The following RAB15 variants were observed in gnomAD, a reference collection of about 807,000 sequenced individuals.
RAB15 encodes ras-related protein Rab-15.
A neutral mutation model predicts 31.8 loss-of-function variants in RAB15; 13 were observed. The ratio of observed to expected loss-of-function variants is 0.41; its 90% CI spans 0.27 to 0.65. The LOEUF (loss-of-function observed/expected upper bound fraction) is 0.65. Ranked by LOEUF, RAB15 falls within the 30% of genes least tolerant of loss-of-function variation. The probability of loss-of-function intolerance (pLI) is 0.32; values close to 1 mark genes in which losing one functional copy is unlikely to be tolerated. For missense variants in RAB15, 220 were observed against 277.3 expected, an observed-to-expected ratio of 0.79 and a Z score of 1.47; for synonymous variants, 100 against 105.6, an observed-to-expected ratio of 0.95 and a Z score of 0.33.
chr14:64,961,726 T>C (rs1375270864), intron 1 of RAB15, among the ~76,000 whole-genome samples: 2 of 151,858 alleles, frequency 1.3e-5, no homozygotes, highest in African/African-American at 2.4e-5. Context: ...CAGGGCAACA[T>C]AGTGAGACCA....
intron 1 of RAB15, among the ~76,000 whole-genome samples, chr14:64,957,525 C>A (rs983582486): frequency 2.0e-5 from 3 of 152,216 alleles, no homozygotes; most frequent in African/African-American, 7.2e-5. Flanking sequence ...ACTCGCCCAG[C>A]CCTACTCACT....
At position 64,955,307 on chromosome 14, in the gene RAB15, T is replaced by C. The variant is rs898605823; in HGVS notation, c.125-2736A>G. Among the ~76,000 whole-genome samples, 6 of 152,214 alleles carry C rather than the reference T, an allele frequency of 3.9e-5. No individual in the cohort carries two copies. Among genetic ancestry groups the C allele is most frequent in the Non-Finnish European group, 8.8e-5 (6 of 68,038 alleles). ...CCCAAGGATCTTCAAGAGGAATCTA[T>C]TGCTTCTGCGCTCTGTTCCCACACA... is the stretch of plus-strand genomic sequence containing the variant. On this transcript the variant is annotated intron_variant, in intron 1 of 6. Transcript: ENST00000533601. The surrounding 1 kb of genome is among the most constrained non-coding windows in gnomAD (Gnocchi z 4.4).
At chr14:64,967,525 G>T (rs1184839522) in intron 1 of RAB15, among the ~76,000 whole-genome samples, 3 of 151,870 alleles carry the variant, frequency 2.0e-5, no homozygotes, top group African/African-American at 4.8e-5. Context: ...CGAGGCTGCA[G>T]TGAGCCGTGA....
Position 64,953,255 on chromosome 14 carries a change from A to C in RAB15, c.125-684T>G, listed in dbSNP as rs770786381. On this transcript the variant is annotated intron_variant, in intron 1 of 6. Transcript: ENST00000533601. This position sits in a 1 kb window ranked among gnomAD's most constrained non-coding sequence, Gnocchi z 4.6. ...CTCTGGCCACTCATAGCTCATTGCT[A>C]TAACATCAGGCACCTTGCTTCACTG... Among the ~76,000 whole-genome samples, 3 of 152,244 alleles carry C rather than the reference A, an allele frequency of 2.0e-5. No homozygotes were observed. Among genetic ancestry groups the C allele is most frequent in the African/African-American group, 7.2e-5 (3 of 41,458 alleles).
intron 1 of RAB15, among the ~76,000 whole-genome samples, chr14:64,959,092 A>T (rs1886723797): frequency 6.6e-6 from 1 of 152,226 alleles, no homozygotes; most frequent in African/African-American, 2.4e-5. Context: ...GGGACTGACC[A>T]GTTGGTAATG....
Position 64,971,910 on chromosome 14 carries a change from C to T in RAB15, c.124+43G>A. On this transcript the variant is annotated intron_variant, in intron 1 of 6. Coordinates refer to ENST00000533601, the MANE Select transcript of RAB15 (RefSeq NM_001308154.2). The surrounding 1 kb of genome is among the most constrained non-coding windows in gnomAD (Gnocchi z 4.1). ...GGACGGGGGCGGCGGGGAAAGGGGC[C>T]GCGGGCGGGGAGGGAGGGGCGCCCC... is the stretch of plus-strand genomic sequence containing the variant. 2.5e-5 allele frequency: 38 copies of T among 1,511,050 alleles called. No homozygotes were observed. The highest frequency in any genetic ancestry group is 3.4e-5 in the Non-Finnish European group (38 of 1,122,080). 93.6% of individuals were successfully genotyped at this position (1,511,050 alleles called of 1,614,324 possible). A position where few individuals can be genotyped will look rare whatever the true frequency, so the allele number is the denominator to read the frequency against.
chr14:64,948,110 A>G lies in RAB15; in HGVS notation c.*244T>C, dbSNP rs1886015368. On this transcript the variant is annotated 3_prime_UTR_variant, in exon 7 of 7. Coordinates refer to ENST00000533601, the MANE Select transcript of RAB15 (RefSeq NM_001308154.2). The surrounding 1 kb of genome is among the most constrained non-coding windows in gnomAD (Gnocchi z 7.0). ...GCTTGCGGCACATCGTGGGGGTCGT[A>G]GCAGGCCTGTGGCTGGGGAAACAGG... 6.7e-6 allele frequency: 3 copies of G among 448,114 alleles called. No individual in the cohort carries two copies. Among genetic ancestry groups the G allele is most frequent in the Non-Finnish European group, 1.2e-5 (3 of 256,220 alleles). 27.8% of individuals were successfully genotyped at this position (448,114 alleles called of 1,614,324 possible).
In RAB15 at chr14:64,946,743, CTT is replaced by C. The variant is rs1331820085; in HGVS notation, c.*1609_*1610del. The stretch of plus-strand genomic sequence containing the variant: ...GTTGATGAATACTCAACACCCAGTT[CTT>C]TGTTTTGGCTGCAGCCACGCAGTGC... On this transcript the variant is annotated 3_prime_UTR_variant, in exon 7 of 7. Transcript: ENST00000533601. 6.6e-6 allele frequency: 1 copy of C among 152,360 alleles called. No individual in the cohort carries two copies. Among genetic ancestry groups the C allele is most frequent in the Non-Finnish European group, 1.5e-5 (1 of 68,046 alleles). 9.4% of individuals were successfully genotyped at this position (152,360 alleles called of 1,614,324 possible).
chr14:64,958,362 G>GT lies in RAB15; in HGVS notation c.125-5792dup, dbSNP rs1166128307. On this transcript the variant is annotated intron_variant, in intron 1 of 6. Coordinates refer to ENST00000533601, the MANE Select transcript of RAB15 (RefSeq NM_001308154.2). The surrounding 1 kb of genome is among the most constrained non-coding windows in gnomAD (Gnocchi z 4.4). ...TTAGAAAAGAGGTCTGAGGGAGCTT[G>GT]TTCCCTCTTCTGCCATGTGAGGATG... Among the ~76,000 whole-genome samples, 7 of 152,174 alleles carry GT rather than the reference G, an allele frequency of 4.6e-5. No individual in the cohort carries two copies. The highest frequency in any genetic ancestry group is 8.8e-5 in the Non-Finnish European group (6 of 68,032).
In RAB15 at chr14:64,947,927, G is replaced by A. The variant is rs1214223485; in HGVS notation, c.*427C>T. The A allele has an allele frequency of 6.1e-6, 1 of 164,430 alleles. No homozygotes were observed. Among genetic ancestry groups the A allele is most frequent in the Non-Finnish European group, 1.3e-5 (1 of 76,750 alleles). The allele number at this position is 164,430 out of a possible 1,614,324, so 10.2% of individuals were successfully genotyped here. A position where few individuals can be genotyped will look rare whatever the true frequency, so the allele number is the denominator to read the frequency against. Reference sequence around the variant, plus strand: ...CGGGGGACGGGGTTTGAGGAGCTTTGATACGAAACGCACCGGAGGGGAGGG... The same window carrying A: ...CGGGGGACGGGGTTTGAGGAGCTTTAATACGAAACGCACCGGAGGGGAGGG... On this transcript the variant is annotated 3_prime_UTR_variant, in exon 7 of 7. Coordinates refer to ENST00000533601, the MANE Select transcript of RAB15 (RefSeq NM_001308154.2). The surrounding 1 kb of genome is among the most constrained non-coding windows in gnomAD (Gnocchi z 5.6).
In RAB15 at chr14:64,948,881, G is replaced by C. The variant is rs1886073593; in HGVS notation, c.415-148C>G. 1.4e-6 allele frequency: 1 copy of C among 694,356 alleles called. No individual in the cohort carries two copies. The highest frequency in any genetic ancestry group is 1.8e-5 in the African/African-American group (1 of 55,886). 43.0% of individuals were successfully genotyped at this position (694,356 alleles called of 1,614,324 possible). A position where few individuals can be genotyped will look rare whatever the true frequency, so the allele number is the denominator to read the frequency against. The stretch of plus-strand genomic sequence containing the variant: ...GATAATTTCTCAGATGGGACTGGGA[G>C]CTCCAAGAGAGGGTAGCAGAGAATG... On this transcript the variant is annotated intron_variant, in intron 5 of 6. Transcript: ENST00000533601. The surrounding 1 kb of genome is among the most constrained non-coding windows in gnomAD (Gnocchi z 7.0).
At position 64,972,077 on chromosome 14, in the gene RAB15, G is replaced by T. The variant is rs531622131; in HGVS notation, c.-1C>A. ...ACAGCACATCGTACTGCTTCGCCAT[G>T]ACTGGGGCCAGCGGGGCCGGGAACT... On this transcript the variant is annotated 5_prime_UTR_variant, in exon 1 of 7. Transcript: ENST00000533601. The surrounding 1 kb of genome is among the most constrained non-coding windows in gnomAD (Gnocchi z 6.3). The T allele has an allele frequency of 5.6e-6, 9 of 1,601,560 alleles. No homozygotes were observed. The African/African-American group carries it at 1.1e-4, about 19-fold the overall frequency.
chr14:64,948,704 A>T lies in RAB15; in HGVS notation c.444T>A (p.Tyr148Ter), dbSNP rs1326722897. ...QLAKEYGMDF[Y>*]ETSACTNLNI... ...TGAGGTTGGTGCAGGCACTTGTTTC[A>T]TAGAAGTCCATGCCATACTCCTTCG... Residue 148 changes from tyrosine (Y) to a stop codon, truncating the protein, a stop_gained, in exon 6 of 7, where the codon TAT becomes TAA. Transcript: ENST00000533601. LOFTEE classifies it high-confidence loss of function. This position sits in a 1 kb window ranked among gnomAD's most constrained non-coding sequence, Gnocchi z 7.0. 1 of 1,613,992 alleles carries T rather than the reference A, an allele frequency of 6.2e-7. No individual in the cohort carries two copies. Among genetic ancestry groups the T allele is most frequent in the African/African-American group, 1.3e-5 (1 of 74,892 alleles).
intron 1 of RAB15, among the ~76,000 whole-genome samples, chr14:64,960,520 G>A (rs565235172): frequency 6.6e-6 from 1 of 152,338 alleles, no homozygotes; most frequent in East Asian, 1.9e-4. Flanking sequence ...CCTGCATGGT[G>A]TTGGGGAAGC....
In RAB15 at chr14:64,948,247, G is replaced by T; in HGVS notation, c.*107C>A. On this transcript the variant is annotated 3_prime_UTR_variant, in exon 7 of 7. Coordinates refer to ENST00000533601, the MANE Select transcript of RAB15 (RefSeq NM_001308154.2). This position sits in a 1 kb window ranked among gnomAD's most constrained non-coding sequence, Gnocchi z 7.0. ...GAGTAGTGGCTACTGATACTCAATA[G>T]GGTCATCACACGAGAGGACAGCAGC... The T allele has an allele frequency of 8.3e-7, 1 of 1,197,630 alleles. No individual in the cohort carries two copies. Among genetic ancestry groups the T allele is most frequent in the Non-Finnish European group, 1.1e-6 (1 of 889,796 alleles). 74.2% of individuals were successfully genotyped at this position (1,197,630 alleles called of 1,614,324 possible).
In RAB15 at chr14:64,948,468, C is replaced by T; in HGVS notation, c.525G>A (p.Lys175=). 1 of 1,613,366 alleles carries T rather than the reference C, an allele frequency of 6.2e-7. No individual in the cohort carries two copies. The highest frequency in any genetic ancestry group is 8.5e-7 in the Non-Finnish European group (1 of 1,179,640). Reference sequence around the variant, plus strand: ...CACGCATCCGGAGGCCTTCCAGCTCCTTCCTATGGGCCTGCAGCACCAGCT... The same window carrying T: ...CACGCATCCGGAGGCCTTCCAGCTCTTTCCTATGGGCCTGCAGCACCAGCT... ...LTELVLQAHR[K]ELEGLRMRAS... is the part of the protein sequence containing the mutation. Residue 175 remains lysine, a synonymous_variant, in exon 7 of 7, where the codon AAG becomes AAA. Transcript: ENST00000533601. The surrounding 1 kb of genome is among the most constrained non-coding windows in gnomAD (Gnocchi z 7.0).
At position 64,952,536 on chromosome 14, in the gene RAB15, C is replaced by T. The variant is rs1292716065; in HGVS notation, c.160G>A (p.Gly54Ser). The T allele has an allele frequency of 8.1e-6, 13 of 1,612,464 alleles. No individual in the cohort carries two copies. The highest frequency in any genetic ancestry group is 1.7e-5 in the Admixed American group (1 of 59,960). The change falls in exon 2 of 7, where the codon GGC becomes AGC. Residue 54 changes from glycine (G) to serine (S), a missense_variant. By Grantham distance (56) the Gly-to-Ser change is moderately conservative (BLOSUM62 0). Transcript: ENST00000533601. This position sits in a 1 kb window ranked among gnomAD's most constrained non-coding sequence, Gnocchi z 4.2. ...CAGATCTGTATCCGCACTTTGATGC[C>T]GTCTACCTCTATGGTCTTCATCTTA... ...DFKMKTIEVD[G>S]IKVRIQIWDT...
Position 64,954,254 on chromosome 14 carries a change from A to G in RAB15, c.125-1683T>C, listed in dbSNP as rs910147185. 9.1e-6 allele frequency: 9 copies of G among 985,244 alleles called. No individual in the cohort carries two copies. The highest frequency in any genetic ancestry group is 5.2e-4 in the Middle Eastern group (1 of 1,936). 61.0% of individuals were successfully genotyped at this position (985,244 alleles called of 1,614,324 possible). A position where few individuals can be genotyped will look rare whatever the true frequency, so the allele number is the denominator to read the frequency against. The stretch of plus-strand genomic sequence containing the variant: ...AAAGAGTGAAGAGAAGGAGGGAGGA[A>G]GGGAGGAAGGAGAGAAGCATCAGGC... On this transcript the variant is annotated intron_variant, in intron 1 of 6. Transcript: ENST00000533601. The surrounding 1 kb of genome is among the most constrained non-coding windows in gnomAD (Gnocchi z 4.3).
In RAB15 at chr14:64,946,930, CA is replaced by C. The variant is rs1885954323; in HGVS notation, c.*1423del. On this transcript the variant is annotated 3_prime_UTR_variant, in exon 7 of 7. Coordinates refer to ENST00000533601, the MANE Select transcript of RAB15 (RefSeq NM_001308154.2). ...TATGGGGTTAAAGAAACTTCCTGAA[CA>C]TAGCACTCTGGAGGAAGGAGTCCTC... 6.6e-6 allele frequency: 1 copy of C among 152,628 alleles called. No homozygotes were observed. The highest frequency in any genetic ancestry group is 1.5e-5 in the Non-Finnish European group (1 of 68,048). The allele number at this position is 152,628 out of a possible 1,614,324, so 9.5% of individuals were successfully genotyped here. A position where few individuals can be genotyped will look rare whatever the true frequency, so the allele number is the denominator to read the frequency against.
Sources: allele counts gnomAD v4.1 joint callset (sites outside exome capture counted in the v4.1 genomes callset), GRCh38; gene constraint gnomAD v4.1.1; non-coding constraint Gnocchi (gnomAD v3.1); transcripts MANE v1.5; gene names NCBI Gene and HGNC (gene_info 2026-07-23, HGNC 2026-07-21).